ANKFY1: variants seen among roughly 807,000 people sequenced by gnomAD.
The protein encoded by ANKFY1 is ankyrin repeat and FYVE domain-containing protein 1.
A neutral mutation model predicts 128.3 loss-of-function variants in ANKFY1; 47 were observed. The observed-to-expected ratio is 0.37, with a 90% CI of 0.29 to 0.47. ANKFY1 has a LOEUF of 0.47. Among genes scored for constraint, ANKFY1 ranks in the 20% least tolerant of loss-of-function variants. ANKFY1 has a pLI of 1.00. For synonymous variants in ANKFY1, 553 were observed against 601.6 expected (o/e 0.92, Z 1.18); for missense variants, 1,222 against 1,510.6 (o/e 0.81, Z 3.17).
chr17:4,228,164 G>T (rs2060456408), intron 3 of ANKFY1, among the ~76,000 whole-genome samples: 1 of 152,042 alleles, frequency 6.6e-6, no homozygotes, highest in Non-Finnish European at 1.5e-5. Flanking sequence ...AACAAGGAAT[G>T]AATAATTAAA....
chr17:4,245,556 C>T (rs955577241), intron 1 of ANKFY1, among the ~76,000 whole-genome samples: 21 of 152,002 alleles, frequency 1.4e-4, no homozygotes, highest in Non-Finnish European at 2.2e-4. Flanking sequence ...GCCAGGGCTA[C>T]GTTGTCTTGC....
chr17:4,182,427 A>C (rs951336122), intron 14 of ANKFY1, 78 bp from the exon 15 acceptor site: 96 of 1,165,338 alleles, frequency 8.2e-5, no homozygotes, highest in Middle Eastern at 3.0e-4. Flanking sequence ...GGCATTCCAG[A>C]GTCCAGAATC....
chr17:4,203,970 A>AT (rs946825526), intron 7 of ANKFY1, among the ~76,000 whole-genome samples: 31 of 152,070 alleles, frequency 2.0e-4, no homozygotes, highest in African/African-American at 7.0e-4. Context: ...ATCCAAGGAG[A>AT]TGGCATCCCT....
rs1220751091 is a variant in ANKFY1, at chr17:4,195,424, C to G, written c.1151G>C (p.Ser384Thr). ...SIMAGNEYVF[S>T]QLLQCKQLDL... is the part of the protein sequence containing the mutation. ...GTACTGTTTGCACTGCAGCAGCTGACTGAACACATATTCATTCCCGGCCAT... is the reference window on the plus strand; with the variant it reads ...GTACTGTTTGCACTGCAGCAGCTGAGTGAACACATATTCATTCCCGGCCAT... Residue 384 changes from serine (S) to threonine (T), a missense_variant, in exon 9 of 25, where the codon AGT becomes ACT. Coordinates refer to ENST00000341657, the MANE Select transcript of ANKFY1 (RefSeq NM_001330063.2). 3.7e-6 allele frequency: 6 copies of G among 1,614,194 alleles called. No individual in the cohort carries two copies. The highest frequency in any genetic ancestry group is 5.1e-6 in the Non-Finnish European group (6 of 1,180,042).
rs191200704 is a variant in ANKFY1 at position 4,170,922 on chromosome 17, C to T, written c.3140-61G>A. 3.3e-4 allele frequency: 527 copies of T among 1,609,672 alleles called. 9 individuals are homozygous for T. In the East Asian group the frequency reaches 0.011, roughly 35 times the overall value. Reference sequence around the variant, plus strand: ...CCCGGCCCAGCCCGGCAGCCACAGACGGAGGGCGGAGGACAGCCAAGGGCA... The same window carrying T: ...CCCGGCCCAGCCCGGCAGCCACAGATGGAGGGCGGAGGACAGCCAAGGGCA... On this transcript the variant is annotated intron_variant, in intron 22 of 24. Coordinates refer to ENST00000341657, the MANE Select transcript of ANKFY1 (RefSeq NM_001330063.2).
At chr17:4,241,256 GCTTCTT>G (rs201548162) in intron 2 of ANKFY1, among the ~76,000 whole-genome samples, 5 of 93,064 alleles carry the variant, frequency 5.4e-5, no homozygotes, top group East Asian at 3.0e-4. Flanking sequence ...CGCCAGCTGA[GCTTCTT>G]CTTCTTCTTC....
At position 4,224,214 on chromosome 17, in the gene ANKFY1, G is replaced by GTTT. The variant is rs33995900; in HGVS notation, c.323-7099_323-7097dup. Among the ~76,000 whole-genome samples the GTTT allele has an allele frequency of 7.5e-4, 50 of 66,756 alleles. 4 individuals are homozygous for GTTT. Among genetic ancestry groups the GTTT allele is most frequent in the African/African-American group, 1.3e-3 (21 of 16,476 alleles). 43.8% of individuals were successfully genotyped at this position (66,756 alleles called of 152,430 possible). A position where few individuals can be genotyped will look rare whatever the true frequency, so the allele number is the denominator to read the frequency against. On this transcript the variant is annotated intron_variant, in intron 3 of 24. Coordinates refer to ENST00000341657, the MANE Select transcript of ANKFY1 (RefSeq NM_001330063.2). ...GTGATGTAAGTGACTCACCTTTGAA[G>GTTT]TTTTTTTTTTTTTTTTTTTTTTTTT...
intron 4 of ANKFY1, among the ~76,000 whole-genome samples, chr17:4,215,973 A>G (rs1370586422): frequency 6.6e-6 from 1 of 152,204 alleles, no homozygotes; most frequent in African/African-American, 2.4e-5. Context: ...CAATAATCAA[A>G]TCAGCTTTGC....
Position 4,230,905 on chromosome 17 carries a change from A to G in ANKFY1, c.322+4867T>C, listed in dbSNP as rs184627866. Among the ~76,000 whole-genome samples the G allele has an allele frequency of 1.4e-4, 22 of 152,330 alleles. No homozygotes were observed. In the East Asian group the frequency reaches 3.1e-3, roughly 21 times the overall value. On this transcript the variant is annotated intron_variant, in intron 3 of 24. Coordinates refer to ENST00000341657, the MANE Select transcript of ANKFY1 (RefSeq NM_001330063.2). ...ATACAGCTTATATAACCATAGTACA[A>G]TGATCAAAATTAGGTAACTACGTAA...
At chr17:4,234,698 G>A (rs942551860) in intron 3 of ANKFY1, among the ~76,000 whole-genome samples, 3 of 152,020 alleles carry the variant, frequency 2.0e-5, no homozygotes, top group Non-Finnish European at 4.4e-5. Context: ...TTAATTTGCT[G>A]CAGAGACAGG....
chr17:4,230,934 A>G (rs1162022200), intron 3 of ANKFY1, among the ~76,000 whole-genome samples: 1 of 152,204 alleles, frequency 6.6e-6, no homozygotes, highest in Non-Finnish European at 1.5e-5. Context: ...TACGTAATAC[A>G]TACAATACCA....
At chr17:4,260,640 A>C (rs1021186989) in intron 1 of ANKFY1, among the ~76,000 whole-genome samples, 20 of 151,546 alleles carry the variant, frequency 1.3e-4, no homozygotes, top group Admixed American at 2.6e-4. Context: ...AAAAAAAAAA[A>C]AACCCACAAA....
intron 7 of ANKFY1, among the ~76,000 whole-genome samples, chr17:4,198,178 C>T (rs1040027212): frequency 3.3e-5 from 5 of 151,664 alleles, no homozygotes; most frequent in East Asian, 1.9e-4. Context: ...AGGCCTCCTT[C>T]GGTCATCTCT....
intron 1 of ANKFY1, among the ~76,000 whole-genome samples, chr17:4,253,029 G>C (rs1435772260): frequency 1.3e-5 from 2 of 152,166 alleles, no homozygotes; most frequent in Non-Finnish European, 2.9e-5. Context: ...AGACCAGCCT[G>C]GCCAACATGG....
At chr17:4,261,926 T>G (rs1167081592) in intron 1 of ANKFY1, among the ~76,000 whole-genome samples, 1 of 152,250 alleles carries the variant, frequency 6.6e-6, no homozygotes, top group Non-Finnish European at 1.5e-5. Context: ...AAAAGCAACT[T>G]CAGGGAATCC....
intron 7 of ANKFY1, among the ~76,000 whole-genome samples, chr17:4,202,398 C>CT (rs1322452574): frequency 3.4e-5 from 4 of 119,008 alleles, no homozygotes; most frequent in African/African-American, 1.3e-4. Flanking sequence ...AAGACTGTGT[C>CT]TTAAAAAAAA....
intron 2 of ANKFY1, among the ~76,000 whole-genome samples, chr17:4,239,216 T>C (rs888779604): frequency 3.3e-5 from 5 of 152,152 alleles, no homozygotes; most frequent in Non-Finnish European, 5.9e-5. Context: ...TACTAATCAA[T>C]TGATAAGTAA....
intron 10 of ANKFY1, among the ~76,000 whole-genome samples, chr17:4,193,419 C>CTTTT (rs34747890): frequency 3.7e-5 from 4 of 108,244 alleles, no homozygotes; most frequent in Middle Eastern, 5.0e-3. Flanking sequence ...CCAGTCGACT[C>CTTTT]TTTTTTTTTT....
chr17:4,222,680 C>A, intron 3 of ANKFY1: 1 of 862,872 alleles, frequency 1.2e-6, no homozygotes, highest in Admixed American at 1.8e-5. Flanking sequence ...GGCCCTGACA[C>A]GCAGCTCCAA....
Sources: allele counts gnomAD v4.1 joint callset (sites outside exome capture counted in the v4.1 genomes callset), GRCh38; gene constraint gnomAD v4.1.1; transcripts MANE v1.5; gene names NCBI Gene and HGNC (gene_info 2026-07-23, HGNC 2026-07-21).